GPR176: variants seen among roughly 807,000 people sequenced by gnomAD.
GPR176 encodes the protein G protein-coupled receptor 176.
GPR176 carries 26 observed loss-of-function variants against 35.4 expected under a neutral mutation model. The ratio of observed to expected loss-of-function variants is 0.74; its 90% CI spans 0.54 to 1.02. The LOEUF is 1.02. Ranked by LOEUF, GPR176 falls within the 50% of genes least tolerant of loss-of-function variation. The pLI, the probability that GPR176 is intolerant of heterozygous loss-of-function variation, is 0.00. For synonymous variants in GPR176, 278 were observed against 271.3 expected (o/e 1.02, Z -0.24); for missense variants, 597 against 665.3 (o/e 0.90, Z 1.13).
intron 1 of GPR176, among the ~76,000 whole-genome samples, chr15:39,844,046 C>A (rs929833349): frequency 2.0e-5 from 3 of 152,142 alleles, no homozygotes; most frequent in Non-Finnish European, 4.4e-5. Context: ...CTCACCCAAA[C>A]CTTAATGCCA....
At chr15:39,835,670 G>A (rs1213971362) in intron 1 of GPR176, among the ~76,000 whole-genome samples, 1 of 152,168 alleles carries the variant, frequency 6.6e-6, no homozygotes, top group Non-Finnish European at 1.5e-5. Context: ...CTGGAGAAAG[G>A]GCAGTGAGTA....
chr15:39,849,470 G>A (rs879424243), intron 1 of GPR176, among the ~76,000 whole-genome samples: 6 of 151,654 alleles, frequency 4.0e-5, no homozygotes, highest in Non-Finnish European at 7.4e-5. Flanking sequence ...ATCAAAGAAA[G>A]TACAAAAGAG....
chr15:39,916,409 A>G (rs2033727859), intron 1 of GPR176, among the ~76,000 whole-genome samples: 1 of 152,234 alleles, frequency 6.6e-6, no homozygotes, highest in Admixed American at 6.5e-5. Context: ...TTTGAATAAT[A>G]TTATGTACAA....
intron 1 of GPR176, among the ~76,000 whole-genome samples, chr15:39,867,802 G>C (rs2031890960): frequency 6.6e-6 from 1 of 152,034 alleles, no homozygotes; most frequent in African/African-American, 2.4e-5. Flanking sequence ...GGCAGAGTGG[G>C]GCCCAGAGTA....
At chr15:39,860,253 TA>T (rs1217890850) in intron 1 of GPR176, among the ~76,000 whole-genome samples, 2 of 152,232 alleles carry the variant, frequency 1.3e-5, no homozygotes, top group African/African-American at 4.8e-5. Flanking sequence ...CAAGTCCTGG[TA>T]AAGGCCGGGG....
intron 1 of GPR176, among the ~76,000 whole-genome samples, chr15:39,883,230 G>T (rs1595504546): frequency 6.6e-6 from 1 of 151,924 alleles, no homozygotes; most frequent in African/African-American, 2.4e-5. Context: ...TTATAACGAA[G>T]TATTTTCTAT....
At chr15:39,816,939 T>C (rs1899943914) in intron 1 of GPR176, among the ~76,000 whole-genome samples, 1 of 151,908 alleles carries the variant, frequency 6.6e-6, no homozygotes, top group South Asian at 2.1e-4. Flanking sequence ...TGTGGTGGCA[T>C]GCACCTGTAG....
chr15:39,872,752 G>A (rs2032091730), intron 1 of GPR176, among the ~76,000 whole-genome samples: 2 of 152,072 alleles, frequency 1.3e-5, no homozygotes, highest in African/African-American at 4.8e-5. Flanking sequence ...ACCTTTAAAA[G>A]ACCATATCTC....
intron 1 of GPR176, among the ~76,000 whole-genome samples, chr15:39,828,123 T>C (rs887283212): frequency 5.3e-5 from 8 of 152,246 alleles, no homozygotes; most frequent in Admixed American, 5.2e-4. Context: ...TTAATTTTTC[T>C]ATTTCTAAAA....
intron 1 of GPR176, among the ~76,000 whole-genome samples, chr15:39,829,732 CCT>C (rs1422389201): frequency 2.0e-5 from 3 of 152,076 alleles, no homozygotes; most frequent in African/African-American, 7.2e-5. Context: ...TTCCTCAGTC[CCT>C]GTCTCTCCTT....
chr15:39,907,399 A>G (rs898741490), intron 1 of GPR176, among the ~76,000 whole-genome samples: 3 of 152,172 alleles, frequency 2.0e-5, no homozygotes, highest in Non-Finnish European at 4.4e-5. Flanking sequence ...CCAAGCCCTG[A>G]GCTTGGATCA....
intron 1 of GPR176, among the ~76,000 whole-genome samples, chr15:39,875,062 C>T (rs554481146): frequency 6.6e-6 from 1 of 152,024 alleles, no homozygotes; most frequent in Admixed American, 6.6e-5. Flanking sequence ...AACAAACAAA[C>T]AAAAAATTAA....
rs192841515 is a variant in GPR176, at chr15:39,838,608, A to G, written c.173-31350T>C. On this transcript the variant is annotated intron_variant, in intron 1 of 2. Coordinates refer to ENST00000561100, the MANE Select transcript of GPR176 (RefSeq NM_007223.3). The stretch of plus-strand genomic sequence containing the variant: ...ACATGATTATCTCAATAGATGCAGA[A>G]AAGGCCTTTGACAAAATTCAACAGC... 1.9e-3 allele frequency among the ~76,000 whole-genome samples: 293 copies of G among 152,332 alleles called. 2 individuals are homozygous for G. The highest frequency in any genetic ancestry group is 6.8e-3 in the African/African-American group (283 of 41,572).
intron 1 of GPR176, chr15:39,807,572 TC>T: frequency 6.6e-7 from 1 of 1,506,786 alleles, no homozygotes; most frequent in Non-Finnish European, 8.9e-7. Flanking sequence ...TATTACTTAA[TC>T]CCAGGCAGTC....
At chr15:39,870,747 C>T (rs2032013581) in intron 1 of GPR176, among the ~76,000 whole-genome samples, 1 of 152,122 alleles carries the variant, frequency 6.6e-6, no homozygotes. Flanking sequence ...TCAGAGCCCA[C>T]TGACTGAGAT....
chr15:39,918,815 T>A (rs974228865), intron 1 of GPR176, among the ~76,000 whole-genome samples: 2 of 152,196 alleles, frequency 1.3e-5, no homozygotes, highest in Non-Finnish European at 2.9e-5. Flanking sequence ...ATTCCAAACA[T>A]CTGAAATTCT....
intron 1 of GPR176, among the ~76,000 whole-genome samples, chr15:39,865,437 A>C (rs2031786847): frequency 6.6e-6 from 1 of 152,168 alleles, no homozygotes; most frequent in Non-Finnish European, 1.5e-5. Flanking sequence ...TCTTAAGTGA[A>C]ACAAATCAGA....
At chr15:39,878,505 A>AT (rs1439647008) in intron 1 of GPR176, among the ~76,000 whole-genome samples, 19 of 146,546 alleles carry the variant, frequency 1.3e-4, no homozygotes, top group Non-Finnish European at 2.3e-4. Flanking sequence ...TGTGTATCAC[A>AT]TTTTTTTATC....
At chr15:39,888,612 C>G (rs952119721) in intron 1 of GPR176, among the ~76,000 whole-genome samples, 3 of 152,206 alleles carry the variant, frequency 2.0e-5, no homozygotes, top group South Asian at 2.1e-4. Flanking sequence ...TCCTCTTAAT[C>G]TACCTTTTGT....
Sources: allele counts gnomAD v4.1 joint callset (sites outside exome capture counted in the v4.1 genomes callset), GRCh38; gene constraint gnomAD v4.1.1; transcripts MANE v1.5; gene names NCBI Gene and HGNC (gene_info 2026-07-23, HGNC 2026-07-21).